The following CWC22 variants were observed in gnomAD, a reference collection of about 807,000 sequenced individuals.
CWC22 encodes CWC22 spliceosome associated protein.
Under a neutral mutation model 117.2 loss-of-function variants are expected in CWC22, and 53 were observed. The observed-to-expected ratio is 0.45, with a 90% confidence interval of 0.36 to 0.57. CWC22 has a LOEUF of 0.57. Among genes scored for constraint, CWC22 ranks in the 20% least tolerant of loss-of-function variants. CWC22 has a pLI of 0.00. For missense variants in CWC22, 980 were observed against 1,068.8 expected (o/e 0.92, Z 1.16); for synonymous variants, 360 against 355.6 (o/e 1.01, Z -0.14).
At chr2:179,979,233 GAGA>G (rs1414488919) in intron 5 of CWC22, among the ~76,000 whole-genome samples, 3 of 151,818 alleles carry the variant, frequency 2.0e-5, no homozygotes, top group Non-Finnish European at 4.4e-5. Flanking sequence ...TTTGAAACAT[GAGA>G]AGAACAAAAG....
chr2:179,969,213 A>C (rs1373059992), intron 11 of CWC22, among the ~76,000 whole-genome samples: 3 of 152,214 alleles, frequency 2.0e-5, no homozygotes, highest in Non-Finnish European at 4.4e-5. Context: ...TTCACAAAAA[A>C]CATTTGGCAT....
chr2:179,945,182 A>C lies in CWC22; in HGVS notation c.2674T>G (p.Ser892Ala). The C allele has an allele frequency of 1.2e-6, 2 of 1,605,078 alleles. No individual in the cohort carries two copies. The highest frequency in any genetic ancestry group is 8.5e-7 in the Non-Finnish European group (1 of 1,177,812). The change falls in exon 20 of 20, where the codon TCA becomes GCA. Residue 892 changes from serine (S) to alanine (A), a missense_variant. By Grantham distance (99) the Ser-to-Ala change is moderately conservative. Around this residue, in one of 3 missense-constraint regions of CWC22, gnomAD observed 306 missense variants for 296.8 expected, o/e 1.03. Coordinates refer to ENST00000410053, the MANE Select transcript of CWC22 (RefSeq NM_020943.3). The part of the protein sequence containing the change: ...SSRYSEQSRE[S>A]KKNQDRRREK... ...CTTCGCCGGTCCTGATTTTTCTTTG[A>C]TTCTCTGGATTGTTCAGAGTATCTG... is the stretch of plus-strand genomic sequence containing the variant.
intron 19 of CWC22, among the ~76,000 whole-genome samples, chr2:179,950,104 A>G (rs1324200356): frequency 1.3e-5 from 2 of 152,196 alleles, no homozygotes; most frequent in African/African-American, 2.4e-5. Context: ...AAAAATTCAT[A>G]TAGCATCTGA....
At chr2:180,003,524 G>A (rs1687895532) in intron 1 of CWC22, among the ~76,000 whole-genome samples, 1 of 152,170 alleles carries the variant, frequency 6.6e-6, no homozygotes, top group Non-Finnish European at 1.5e-5. Context: ...GAGCCACGTA[G>A]TAAACCACAT....
chr2:179,992,283 G>A (rs1381042406), intron 2 of CWC22, among the ~76,000 whole-genome samples: 2 of 152,210 alleles, frequency 1.3e-5, no homozygotes, highest in Non-Finnish European at 2.9e-5. Context: ...CTCACAGGCA[G>A]AACAGTTTCG....
intron 1 of CWC22, among the ~76,000 whole-genome samples, chr2:180,003,727 A>G (rs187378347): frequency 3.0e-4 from 46 of 152,270 alleles, no homozygotes; most frequent in Non-Finnish European, 5.1e-4. Flanking sequence ...AGCTCCACCC[A>G]TTTATAAGTT....
chr2:179,963,904 A>C (rs549553872), intron 13 of CWC22, among the ~76,000 whole-genome samples: 195 of 152,328 alleles, frequency 1.3e-3, no homozygotes, highest in African/African-American at 4.6e-3. Flanking sequence ...GTGCCTATTA[A>C]ATCAATAGGT....
chr2:179,964,603 T>C lies in CWC22; in HGVS notation c.1341A>G (p.Lys447=). ...EEGQKVTIHD[K]TEINLVSFRR... ...GAAATGAGACCAGGTTAATTTCTGTTTTGTCATGAATAGTTACTTTTTGTC... is the reference window on the plus strand; with the variant it reads ...GAAATGAGACCAGGTTAATTTCTGTCTTGTCATGAATAGTTACTTTTTGTC... The change falls in exon 13 of 20, where the codon AAA becomes AAG. Residue 447 remains lysine, a synonymous_variant. Coordinates refer to ENST00000410053, the MANE Select transcript of CWC22 (RefSeq NM_020943.3). 6.4e-7 allele frequency: 1 copy of C among 1,560,580 alleles called. No homozygotes were observed. Among genetic ancestry groups the C allele is most frequent in the South Asian group, 1.2e-5 (1 of 84,620 alleles).
At chr2:180,006,837 T>G (rs1451443828) in intron 1 of CWC22, 30 bp downstream of exon 1, 1 of 152,494 alleles carries the variant, frequency 6.6e-6, no homozygotes, top group East Asian at 1.9e-4. Flanking sequence ...GCTCAGGCAG[T>G]CAGTTCATGG....
intron 2 of CWC22, among the ~76,000 whole-genome samples, chr2:179,990,546 C>CAGAGAGAGAGAG (rs3082436): frequency 2.1e-5 from 3 of 144,850 alleles, no homozygotes; most frequent in African/African-American, 7.7e-5. Flanking sequence ...GTGAGACAGA[C>CAGAGAGAGAGAG]AGAGAGAGAG....
At chr2:179,952,415 C>T (rs1407084670) in intron 17 of CWC22, 56 bp downstream of exon 17, 42 of 1,374,154 alleles carry the variant, frequency 3.1e-5, no homozygotes, top group South Asian at 1.4e-4. Flanking sequence ...ATGTCTGCTA[C>T]AATGGGAGAA....
rs1252637920 is a variant in CWC22 at position 179,950,570 on chromosome 2, T to C, written c.2082A>G (p.Ser694=). 1 of 1,613,304 alleles carries C rather than the reference T, an allele frequency of 6.2e-7. No homozygotes were observed. Among genetic ancestry groups the C allele is most frequent in the Non-Finnish European group, 8.5e-7 (1 of 1,179,486 alleles). The change falls in exon 19 of 20, where the codon TCA becomes TCG. Residue 694 remains serine (S), a synonymous_variant. Coordinates refer to ENST00000410053, the MANE Select transcript of CWC22 (RefSeq NM_020943.3). ...DSDSDSSDSS[S]ESSSEESDSS... is the part of the protein sequence containing the mutation. ...AGTCGCTCTCTTCACTGGAAGACTC[T>C]GAACTGCTATCACTGCTGTCAGAAT...
chr2:179,964,257 T>C (rs1166419924), intron 13 of CWC22, among the ~76,000 whole-genome samples: 1 of 152,246 alleles, frequency 6.6e-6, no homozygotes, highest in African/African-American at 2.4e-5. Context: ...AAAACAGAAT[T>C]ATTTTCAAGT....
At chr2:179,988,694 A>T (rs777663198) in intron 2 of CWC22, 50 bp from the exon 3 acceptor site, 1 of 965,902 alleles carries the variant, frequency 1.0e-6, no homozygotes, top group African/African-American at 1.7e-5. Context: ...TTATGTTAAT[A>T]ACACAGACTG....
chr2:179,978,591 T>G (rs1373763516), intron 5 of CWC22, among the ~76,000 whole-genome samples: 1 of 152,126 alleles, frequency 6.6e-6, no homozygotes, highest in Non-Finnish European at 1.5e-5. Flanking sequence ...TTTGTTCTTA[T>G]GCCTAGTACA....
chr2:179,994,909 G>C (rs1687662045), intron 1 of CWC22, among the ~76,000 whole-genome samples: 1 of 152,160 alleles, frequency 6.6e-6, no homozygotes, highest in African/African-American at 2.4e-5. Flanking sequence ...AAGGTCAGGA[G>C]ATTGACACCA....
chr2:179,946,320 G>A (rs376203973), intron 19 of CWC22, among the ~76,000 whole-genome samples: 11 of 151,804 alleles, frequency 7.2e-5, no homozygotes, highest in South Asian at 6.2e-4. Flanking sequence ...CTGTGGTGGC[G>A]TCAGCCTGTA....
At chr2:179,963,411 C>T (rs1686806250) in intron 13 of CWC22, among the ~76,000 whole-genome samples, 2 of 125,498 alleles carry the variant, frequency 1.6e-5, no homozygotes. Context: ...GGCGCCATCT[C>T]GGCTCACTGC....
At chr2:179,993,612 T>A (rs1687626482) in intron 1 of CWC22, among the ~76,000 whole-genome samples, 158 bp from the exon 2 acceptor site, 2 of 152,102 alleles carry the variant, frequency 1.3e-5, no homozygotes, top group African/African-American at 4.8e-5. Flanking sequence ...TTACACATAA[T>A]AATGTATACC....
Sources: gnomAD v4.1 joint callset for allele counts (sites outside exome capture counted in the v4.1 genomes callset) on GRCh38, gnomAD v4.1.1 for gene constraint, gnomAD v4.1.1 regional missense constraint, MANE v1.5 for transcripts, NCBI Gene and HGNC (gene_info 2026-07-23, HGNC 2026-07-21) for gene names.